The following ABCD3 variants were observed in gnomAD, a reference collection of about 807,000 sequenced individuals.
ABCD3 encodes the protein ATP-binding cassette sub-family D member 3.
In ABCD3, 41 loss-of-function variants were observed where a neutral mutation model predicts 105.5. The ratio of observed to expected loss-of-function variants is 0.39; its 90% CI spans 0.30 to 0.50. The LOEUF (loss-of-function observed/expected upper bound fraction) is 0.50. Ranked by LOEUF, ABCD3 falls within the 20% of genes least tolerant of loss-of-function variation. The pLI is 0.84. For missense variants in ABCD3, 622 were observed against 806.3 expected (o/e 0.77, Z 2.77); for synonymous variants, 258 against 269.0 (o/e 0.96, Z 0.40).
chr1:94,472,473 GTTTTAC>G (rs1648533772), intron 4 of ABCD3, among the ~76,000 whole-genome samples: 1 of 140,514 alleles, frequency 7.1e-6, no homozygotes. Context: ...TTTTTTAACT[GTTTTAC>G]TTTTTAGGGG....
the ABCD3 span, among the ~76,000 whole-genome samples, chr1:94,404,754 C>A: frequency 8.6e-5 from 13 of 151,844 alleles, no homozygotes; most frequent in Admixed American, 5.2e-4. Context: ...ATTTTCCCTT[C>A]TTTCATATGT....
chr1:94,400,102 A>G, the ABCD3 span, among the ~76,000 whole-genome samples: 2 of 152,132 alleles, frequency 1.3e-5, no homozygotes, highest in Non-Finnish European at 1.5e-5. Context: ...CAGAAGCACA[A>G]CATCCTAGAA....
chr1:94,508,701 C>G (rs1444926365), intron 21 of ABCD3, among the ~76,000 whole-genome samples: 1 of 151,228 alleles, frequency 6.6e-6, no homozygotes, highest in Non-Finnish European at 1.5e-5. Flanking sequence ...TTGAAGAGGT[C>G]CTTCACATCC....
intron 2 of ABCD3, among the ~76,000 whole-genome samples, chr1:94,460,845 G>A (rs1236651739): frequency 1.3e-5 from 2 of 152,010 alleles, no homozygotes; most frequent in Non-Finnish European, 2.9e-5. Flanking sequence ...CTCCAGCTCC[G>A]TGATCTCTCA....
chr1:94,449,419 G>C (rs147685164), intron 1 of ABCD3, among the ~76,000 whole-genome samples: 1 of 152,230 alleles, frequency 6.6e-6, no homozygotes, highest in African/African-American at 2.4e-5. Context: ...ATTGCCGTGA[G>C]TATTCCTTCA....
At chr1:94,438,728 A>G (rs1429386439) in intron 1 of ABCD3, among the ~76,000 whole-genome samples, 2 of 152,190 alleles carry the variant, frequency 1.3e-5, no homozygotes, top group South Asian at 2.1e-4. Flanking sequence ...CAGCAAAAGG[A>G]TGAACATTTT....
At chr1:94,508,327 CTCTGT>C (rs1429338206) in intron 21 of ABCD3, among the ~76,000 whole-genome samples, 5 of 152,084 alleles carry the variant, frequency 3.3e-5, no homozygotes, top group Non-Finnish European at 7.4e-5. Flanking sequence ...TTTCTGAGGG[CTCTGT>C]TCTGTTCCAT....
intron 2 of ABCD3, among the ~76,000 whole-genome samples, chr1:94,459,100 G>A (rs1025384828): frequency 3.3e-5 from 5 of 150,734 alleles, no homozygotes; most frequent in Middle Eastern, 3.2e-3. Flanking sequence ...AGGCTGGAGT[G>A]CAGTGGCATG....
At chr1:94,506,403 A>G (rs576855112) in intron 20 of ABCD3, 135 bp from the exon 21 acceptor site, 64 of 628,518 alleles carry the variant, frequency 1.0e-4, no homozygotes, top group African/African-American at 7.9e-4. Flanking sequence ...TCTGGGAAGT[A>G]GATTTTTTGA....
intron 2 of ABCD3, among the ~76,000 whole-genome samples, chr1:94,464,254 A>T (rs959513489): frequency 6.6e-6 from 1 of 152,180 alleles, no homozygotes; most frequent in African/African-American, 2.4e-5. Context: ...GTATATTGGA[A>T]ATGTTAAATG....
chr1:94,482,972 AG>A, intron 9 of ABCD3, 197 bp from the exon 10 acceptor site: 2 of 578,234 alleles, frequency 3.5e-6, no homozygotes. Flanking sequence ...TTCAGTCAGG[AG>A]TGTATTCCTG....
chr1:94,395,471 C>T, the ABCD3 span, among the ~76,000 whole-genome samples: 7 of 152,126 alleles, frequency 4.6e-5, no homozygotes, highest in African/African-American at 1.2e-4. Context: ...CAGCAGGAAC[C>T]GTGGCCTTTG....
upstream of ABCD3, among the ~76,000 whole-genome samples, chr1:94,416,616 G>A (rs1557653822): frequency 6.6e-6 from 1 of 152,088 alleles, no homozygotes; most frequent in African/African-American, 2.4e-5. Context: ...TCTCAGTCCC[G>A]TATTTCCCTA....
intron 1 of ABCD3, among the ~76,000 whole-genome samples, chr1:94,458,371 C>G (rs777806562): frequency 6.6e-6 from 1 of 152,118 alleles, no homozygotes; most frequent in Non-Finnish European, 1.5e-5. Flanking sequence ...CTAAAAATTA[C>G]CAAACAGAAT....
chr1:94,516,881 A>G (rs1170565159), intron 22 of ABCD3, among the ~76,000 whole-genome samples, 171 bp from the exon 23 acceptor site: 1 of 151,938 alleles, frequency 6.6e-6, no homozygotes, highest in African/African-American at 2.4e-5. Context: ...AGTTTAACCT[A>G]CTGGTAGCTG....
chr1:94,514,405 A>G (rs1650833817), intron 21 of ABCD3: 1 of 151,138 alleles, frequency 6.6e-6, no homozygotes, highest in Non-Finnish European at 1.5e-5. Context: ...GTTGAGAACC[A>G]CTGATCTAGA....
chr1:94,396,177 C>T, the ABCD3 span, among the ~76,000 whole-genome samples: 490 of 152,272 alleles, frequency 3.2e-3, no homozygotes, highest in African/African-American at 0.011. Flanking sequence ...AATCCTATTT[C>T]CTCAATTACT....
At chr1:94,396,511 C>T in the ABCD3 span, among the ~76,000 whole-genome samples, 194 of 152,274 alleles carry the variant, frequency 1.3e-3, 1 homozygote, top group Middle Eastern at 3.4e-3. Flanking sequence ...TCAGTGCCCG[C>T]CCAGGGATAT....
intron 20 of ABCD3, among the ~76,000 whole-genome samples, chr1:94,504,818 G>A: frequency 6.6e-6 from 1 of 152,196 alleles, no homozygotes; most frequent in East Asian, 1.9e-4. Context: ...GAGGCTACTT[G>A]TAGTCTATCC....
Sources: allele counts gnomAD v4.1 joint callset (sites outside exome capture counted in the v4.1 genomes callset), GRCh38; gene constraint gnomAD v4.1.1; transcripts MANE v1.5; gene names NCBI Gene and HGNC (gene_info 2026-07-23, HGNC 2026-07-21).